The following GRWD1 variants were observed in gnomAD, a reference collection of about 807,000 sequenced individuals.
GRWD1 encodes glutamate-rich WD repeat-containing protein 1.
In GRWD1, 29 loss-of-function variants were observed where a neutral mutation model predicts 45.3. The ratio of observed to expected loss-of-function variants is 0.64; its 90% CI spans 0.48 to 0.87. The LOEUF (loss-of-function observed/expected upper bound fraction) is 0.87. GRWD1 is among the 40% of genes least tolerant of loss of function. The pLI is 0.00. For missense variants in GRWD1, 592 were observed against 618.8 expected, an observed-to-expected ratio of 0.96 and a Z score of 0.46; for synonymous variants, 262 against 257.6, an observed-to-expected ratio of 1.02 and a Z score of -0.16.
rs1569079506 is a variant in GRWD1 at position 48,451,234 on chromosome 19, A to AT, written c.1023+7dup. On this transcript the variant is annotated splice_donor_region_variant and intron_variant, in intron 6 of 6. Transcript: ENST00000253237. ...TCTGGGACCTTCGGCAGTTCAAGGT[A>AT]TTTTCCCAGCCGGACACCTGGGGGC... The AT allele has an allele frequency of 2.5e-6, 4 of 1,569,980 alleles. No homozygotes were observed. Among genetic ancestry groups the AT allele is most frequent in the Non-Finnish European group, 3.5e-6 (4 of 1,152,996 alleles).
rs1971506980 is a variant in GRWD1, at chr19:48,454,027, G to C, written c.*1002G>C. 6.6e-6 allele frequency: 1 copy of C among 152,082 alleles called. No individual in the cohort carries two copies. Among genetic ancestry groups the C allele is most frequent in the Non-Finnish European group, 1.5e-5 (1 of 68,052 alleles). The allele number at this position is 152,082 out of a possible 1,614,324, so 9.4% of individuals were successfully genotyped here. A position where few individuals can be genotyped will look rare whatever the true frequency, so the allele number is the denominator to read the frequency against. On this transcript the variant is annotated 3_prime_UTR_variant, in exon 7 of 7. Coordinates refer to ENST00000253237, the MANE Select transcript of GRWD1 (RefSeq NM_031485.4). ...GGCCGCTAGGCTGGGGGAGGCCACT[G>C]GGAGTCCAGTGCAACCCAACCTTCC... is the stretch of plus-strand genomic sequence containing the variant.
At chr19:48,447,074 T>C (rs1409479359) in intron 3 of GRWD1, among the ~76,000 whole-genome samples, 3 of 8,944 alleles carry the variant, frequency 3.4e-4, no homozygotes, top group Non-Finnish European at 2.6e-3. Flanking sequence ...CTGGCCCATT[T>C]TTTTTTTTTT....
At position 48,454,511 on chromosome 19, in the gene GRWD1, A is replaced by C. The variant is rs1357800712; in HGVS notation, c.*1486A>C. ...GACCAAGGACAGACTACAGCCCCTC[A>C]GCACCCACAGAGGCTTCCCCTCAGC... On this transcript the variant is annotated 3_prime_UTR_variant, in exon 7 of 7. Transcript: ENST00000253237. 1 of 152,066 alleles carries C rather than the reference A, an allele frequency of 6.6e-6. No homozygotes were observed. The highest frequency in any genetic ancestry group is 1.5e-5 in the Non-Finnish European group (1 of 68,252). The allele number at this position is 152,066 out of a possible 1,614,324, so 9.4% of individuals were successfully genotyped here.
chr19:48,451,079 A>G lies in GRWD1; in HGVS notation c.871A>G (p.Ile291Val). The G allele has an allele frequency of 1.2e-6, 2 of 1,614,102 alleles. No individual in the cohort carries two copies. Among genetic ancestry groups the G allele is most frequent in the South Asian group, 2.2e-5 (2 of 91,082 alleles). Residue 291 changes from isoleucine to valine, a missense_variant, in exon 6 of 7, where the codon ATC becomes GTC. Ile to Val is a conservative substitution (Grantham distance 29). Coordinates refer to ENST00000253237, the MANE Select transcript of GRWD1 (RefSeq NM_031485.4). The stretch of plus-strand genomic sequence containing the variant: ...TGACGCCTCCATCCGCATCTGGGAC[A>G]TCCGGGCAGCCCCCAGCAAGGCCTG... ...SADASIRIWDIRAAPSKACML... is the reference protein window; with the variant it reads ...SADASIRIWDVRAAPSKACML...
chr19:48,449,133 G>T (rs1013021425), intron 3 of GRWD1, among the ~76,000 whole-genome samples: 1 of 151,934 alleles, frequency 6.6e-6, no homozygotes, highest in Non-Finnish European at 1.5e-5. Flanking sequence ...CGCTTTTGTC[G>T]CCCAGGCCGG....
chr19:48,449,389 G>A (rs1971445851), intron 3 of GRWD1, among the ~76,000 whole-genome samples: 1 of 152,204 alleles, frequency 6.6e-6, no homozygotes, highest in African/African-American at 2.4e-5. Context: ...ACCGCGCCTG[G>A]CCCTGGAAGT....
In GRWD1 at chr19:48,451,187, G is replaced by A. The variant is rs140774613; in HGVS notation, c.979G>A (p.Gly327Arg). 6.2e-6 allele frequency: 10 copies of A among 1,609,998 alleles called. No homozygotes were observed. The highest frequency in any genetic ancestry group is 1.3e-5 in the African/African-American group (1 of 74,796). ...CCGGGAGCCCTTCCTGCTCAGTGGC[G>A]GGGATGATGGGGCCCTCAAGATCTG... ...SRREPFLLSG[G>R]DDGALKIWDL... The change falls in exon 6 of 7, where the codon GGG becomes AGG. Residue 327 changes from glycine to arginine, a missense_variant. Physicochemically the swap from Gly to Arg is moderately radical, Grantham distance 125. Coordinates refer to ENST00000253237, the MANE Select transcript of GRWD1 (RefSeq NM_031485.4).
At chr19:48,446,650 A>C in intron 2 of GRWD1, 31 bp from the exon 3 acceptor site, 1 of 1,560,292 alleles carries the variant, frequency 6.4e-7, no homozygotes. Flanking sequence ...CCTGGAATCT[A>C]GTGCCTAACT....
Position 48,446,387 on chromosome 19 carries a change from G to T in GRWD1, c.190G>T (p.Ala64Ser). ...YVLYHRAQTGAPCLSFDIVRD... is the reference protein window; with the variant it reads ...YVLYHRAQTGSPCLSFDIVRD... ...TAAACCCCGCCTTCCATCCCCAGGCGCCCCCTGTCTCAGCTTTGACATAGT... is the reference window on the plus strand; with the variant it reads ...TAAACCCCGCCTTCCATCCCCAGGCTCCCCCTGTCTCAGCTTTGACATAGT... Residue 64 changes from alanine to serine, a missense_variant and splice_region_variant, in exon 2 of 7, where the codon GCC (alanine) becomes TCC (serine). Physicochemically the swap from Ala to Ser is moderately conservative, Grantham distance 99 (BLOSUM62 1). Transcript: ENST00000253237. 1.2e-6 allele frequency: 2 copies of T among 1,613,896 alleles called. No individual in the cohort carries two copies. The highest frequency in any genetic ancestry group is 1.7e-6 in the Non-Finnish European group (2 of 1,179,834).
At position 48,456,654 on chromosome 19, in the gene GRWD1, T is replaced by C. The variant is rs897285356; in HGVS notation, c.*3629T>C. On this transcript the variant is annotated 3_prime_UTR_variant, in exon 7 of 7. Transcript: ENST00000253237. ...GATCCCCAGGTTCCAGCACAAATTATTTAACCCCTGGAATGGTTTGTCCTG... is the reference window on the plus strand; with the variant it reads ...GATCCCCAGGTTCCAGCACAAATTACTTAACCCCTGGAATGGTTTGTCCTG... 2.0e-5 allele frequency: 3 copies of C among 152,164 alleles called. No homozygotes were observed. Among genetic ancestry groups the C allele is most frequent in the African/African-American group, 7.2e-5 (3 of 41,434 alleles). The allele number at this position is 152,164 out of a possible 1,614,324, so 9.4% of individuals were successfully genotyped here.
In GRWD1 at chr19:48,450,565, G is replaced by A. The variant is rs1971461141; in HGVS notation, c.682+39G>A. The A allele has an allele frequency of 1.9e-6, 3 of 1,611,822 alleles. No homozygotes were observed. Among genetic ancestry groups the A allele is most frequent in the Non-Finnish European group, 1.7e-6 (2 of 1,178,500 alleles). On this transcript the variant is annotated intron_variant, in intron 4 of 6. Coordinates refer to ENST00000253237, the MANE Select transcript of GRWD1 (RefSeq NM_031485.4). The surrounding 1 kb of genome is among the most constrained non-coding windows in gnomAD (Gnocchi z 5.1). ...GTGTTCAGGAGTCCCGGGAGGTCGGGGGAGCAGGGTCTGCAACAAGGGGCC... is the reference window on the plus strand; with the variant it reads ...GTGTTCAGGAGTCCCGGGAGGTCGGAGGAGCAGGGTCTGCAACAAGGGGCC...
chr19:48,449,188 G>A (rs1971443212), intron 3 of GRWD1, among the ~76,000 whole-genome samples: 1 of 152,102 alleles, frequency 6.6e-6, no homozygotes, highest in Admixed American at 6.5e-5. Flanking sequence ...CTGACTCCTG[G>A]GTTCAAGCGA....
In GRWD1 at chr19:48,446,119, G is replaced by A. The variant is rs1160286045; in HGVS notation, c.114G>A (p.Gly38=). Residue 38 remains glycine, a synonymous_variant, in exon 1 of 7, where the codon GGG becomes GGA. Transcript: ENST00000253237. ...GPAQVYLPGR[G]PPLREGEELV... Reference sequence around the variant, plus strand: ...CCCAGGTCTACCTGCCCGGCCGGGGGCCGCCGCTACGCGAAGGGGAGGAGC... The same window carrying A: ...CCCAGGTCTACCTGCCCGGCCGGGGACCGCCGCTACGCGAAGGGGAGGAGC... 3 of 1,601,142 alleles carry A rather than the reference G, an allele frequency of 1.9e-6. No homozygotes were observed. The highest frequency in any genetic ancestry group is 1.3e-5 in the African/African-American group (1 of 74,790).
In GRWD1 at chr19:48,453,149, T is replaced by G; in HGVS notation, c.*124T>G. 1 of 820,950 alleles carries G rather than the reference T, an allele frequency of 1.2e-6. No individual in the cohort carries two copies. The highest frequency in any genetic ancestry group is 1.9e-6 in the Non-Finnish European group (1 of 534,522). 50.9% of individuals were successfully genotyped at this position (820,950 alleles called of 1,614,324 possible). ...CCGGCCTGTGGGCTGCCGTGATGGA[T>G]TCTGTTTGACGTATTGTTCTCTAGA... On this transcript the variant is annotated 3_prime_UTR_variant, in exon 7 of 7. Coordinates refer to ENST00000253237, the MANE Select transcript of GRWD1 (RefSeq NM_031485.4).
rs1971497473 is a variant in GRWD1 at position 48,453,306 on chromosome 19, T to C, written c.*281T>C. The C allele has an allele frequency of 2.8e-6, 1 of 353,614 alleles. No individual in the cohort carries two copies. The highest frequency in any genetic ancestry group is 2.1e-5 in the African/African-American group (1 of 47,676). 21.9% of individuals were successfully genotyped at this position (353,614 alleles called of 1,614,324 possible). A position where few individuals can be genotyped will look rare whatever the true frequency, so the allele number is the denominator to read the frequency against. ...GTGTCGGATTCCTTCCTGTCAGCTG[T>C]GACCCATTTGACCTGTGTCCCCAGA... On this transcript the variant is annotated 3_prime_UTR_variant, in exon 7 of 7. Transcript: ENST00000253237.
At position 48,452,089 on chromosome 19, in the gene GRWD1, C is replaced by CTTTTTTTTTTTTTTT. The variant is rs58562169; in HGVS notation, c.1024-616_1024-602dup. On this transcript the variant is annotated intron_variant, in intron 6 of 6. Transcript: ENST00000253237. This position sits in a 1 kb window ranked among gnomAD's most constrained non-coding sequence, Gnocchi z 5.1. Reference sequence around the variant, plus strand: ...GGGAGAGCCATGCCCTCCTTTTTTTCTTTTTTTTTTTTTTTTTCTTTTTTT... The same window carrying CTTTTTTTTTTTTTTT: ...GGGAGAGCCATGCCCTCCTTTTTTTCTTTTTTTTTTTTTTTTTTTTTTTTTTTTTTTTCTTTTTTT... Among the ~76,000 whole-genome samples the CTTTTTTTTTTTTTTT allele has an allele frequency of 6.9e-6, 1 of 145,960 alleles. No individual in the cohort carries two copies. Among genetic ancestry groups the CTTTTTTTTTTTTTTT allele is most frequent in the Non-Finnish European group, 1.5e-5 (1 of 66,482 alleles).
At position 48,450,561 on chromosome 19, in the gene GRWD1, T is replaced by C; in HGVS notation, c.682+35T>C. The C allele has an allele frequency of 6.2e-7, 1 of 1,611,308 alleles. No homozygotes were observed. The highest frequency in any genetic ancestry group is 8.5e-7 in the Non-Finnish European group (1 of 1,178,398). On this transcript the variant is annotated intron_variant, in intron 4 of 6. Transcript: ENST00000253237. The surrounding 1 kb of genome is among the most constrained non-coding windows in gnomAD (Gnocchi z 5.1). Reference sequence around the variant, plus strand: ...TGGGGTGTTCAGGAGTCCCGGGAGGTCGGGGGAGCAGGGTCTGCAACAAGG... The same window carrying C: ...TGGGGTGTTCAGGAGTCCCGGGAGGCCGGGGGAGCAGGGTCTGCAACAAGG...
chr19:48,446,907 C>G (rs1971412187), intron 3 of GRWD1, 64 bp downstream of exon 3: 2 of 1,325,550 alleles, frequency 1.5e-6, no homozygotes, highest in South Asian at 1.4e-5. Flanking sequence ...TCCCCTGTGT[C>G]CATAACTCCC....
chr19:48,446,889 C>G, intron 3 of GRWD1, 46 bp downstream of exon 3: 1 of 1,524,000 alleles, frequency 6.6e-7, no homozygotes, highest in Non-Finnish European at 8.9e-7. Context: ...TGAAACACAT[C>G]TGACCCATCC....
Sources: gnomAD v4.1 joint callset for allele counts (sites outside exome capture counted in the v4.1 genomes callset) on GRCh38, gnomAD v4.1.1 for gene constraint, Gnocchi (gnomAD v3.1) non-coding constraint, MANE v1.5 for transcripts, NCBI Gene and HGNC (gene_info 2026-07-23, HGNC 2026-07-21) for gene names.